The following CSNK2A2IP variants were observed in gnomAD, a reference collection of about 807,000 sequenced individuals.
The protein encoded by CSNK2A2IP is casein kinase II subunit alpha'-interacting protein.
chr3:88,466,748 A>C, the CSNK2A2IP span: 1 of 872,090 alleles, frequency 1.1e-6, no homozygotes, highest in Non-Finnish European at 1.5e-6. Context: ...CCAAATCCTC[A>C]TCCTGGTCCT....
chr3:88,412,237 G>T, the CSNK2A2IP span, among the ~76,000 whole-genome samples: 1 of 151,920 alleles, frequency 6.6e-6, no homozygotes, highest in Non-Finnish European at 1.5e-5. Context: ...GTTTCTATGT[G>T]TATATTTTAA....
chr3:88,356,043 G>T, the CSNK2A2IP span, among the ~76,000 whole-genome samples: 3 of 152,080 alleles, frequency 2.0e-5, no homozygotes, highest in Admixed American at 1.3e-4. Context: ...ATCAAATAAA[G>T]GTTATTGGGA....
At chr3:88,431,556 G>A in the CSNK2A2IP span, among the ~76,000 whole-genome samples, 5 of 151,916 alleles carry the variant, frequency 3.3e-5, no homozygotes, top group South Asian at 6.2e-4. Context: ...TCACCACTAA[G>A]GAACTTACTC....
the CSNK2A2IP span, among the ~76,000 whole-genome samples, chr3:88,461,217 G>A: frequency 6.6e-6 from 1 of 152,082 alleles, no homozygotes; most frequent in African/African-American, 2.4e-5. Flanking sequence ...TTGATTGACA[G>A]TTGATTACAG....
At chr3:88,426,944 C>T in the CSNK2A2IP span, among the ~76,000 whole-genome samples, 1 of 151,502 alleles carries the variant, frequency 6.6e-6, no homozygotes, top group Non-Finnish European at 1.5e-5. Context: ...GTGGAAGCAG[C>T]TTTGGAACTG....
At chr3:88,445,986 C>CT in the CSNK2A2IP span, among the ~76,000 whole-genome samples, 14 of 136,462 alleles carry the variant, frequency 1.0e-4, 1 homozygote, top group African/African-American at 3.6e-4. Flanking sequence ...CTCTTTCTTT[C>CT]TTTTTTCTTT....
At chr3:88,382,621 T>C in the CSNK2A2IP span, 1 of 152,176 alleles carries the variant, frequency 6.6e-6, no homozygotes, top group Admixed American at 6.5e-5. Context: ...CAAGAAAATA[T>C]TTCTGGACAA....
chr3:88,392,481 TAAG>T, the CSNK2A2IP span, among the ~76,000 whole-genome samples: 1 of 152,002 alleles, frequency 6.6e-6, no homozygotes, highest in Non-Finnish European at 1.5e-5. Context: ...CAAAGAAAAC[TAAG>T]AAGGAATGGC....
chr3:88,454,428 T>C, the CSNK2A2IP span, among the ~76,000 whole-genome samples: 1 of 151,800 alleles, frequency 6.6e-6, no homozygotes, highest in Non-Finnish European at 1.5e-5. Flanking sequence ...TTTGATAAAG[T>C]TCAATTTATT....
the CSNK2A2IP span, among the ~76,000 whole-genome samples, chr3:88,369,755 A>C: frequency 6.6e-6 from 1 of 151,794 alleles, no homozygotes; most frequent in Non-Finnish European, 1.5e-5. Flanking sequence ...GATTGAGTAC[A>C]TTCCCTGGCC....
chr3:88,370,123 T>G, the CSNK2A2IP span, among the ~76,000 whole-genome samples: 2 of 151,628 alleles, frequency 1.3e-5, no homozygotes, highest in African/African-American at 4.8e-5. Flanking sequence ...AGAAAGGAGA[T>G]TTCAGAGCCA....
At chr3:88,446,812 C>T in the CSNK2A2IP span, among the ~76,000 whole-genome samples, 5 of 152,136 alleles carry the variant, frequency 3.3e-5, no homozygotes, top group African/African-American at 1.2e-4. Flanking sequence ...AGAAGAGACT[C>T]AAGCTTTTTA....
the CSNK2A2IP span, among the ~76,000 whole-genome samples, chr3:88,376,654 AC>A: frequency 2.0e-5 from 3 of 151,772 alleles, no homozygotes; most frequent in Admixed American, 2.0e-4. Flanking sequence ...TAAAAAACAA[AC>A]AAGATCTTTC....
At chr3:88,466,635 TG>T in the CSNK2A2IP span, 1 of 1,229,552 alleles carries the variant, frequency 8.1e-7, no homozygotes, top group Non-Finnish European at 1.0e-6. Context: ...AAGGTGGAAC[TG>T]TCCCTGATGA....
chr3:88,365,443 G>C, the CSNK2A2IP span, among the ~76,000 whole-genome samples: 4 of 151,976 alleles, frequency 2.6e-5, no homozygotes, highest in Non-Finnish European at 5.9e-5. Context: ...GAGTTTCTTT[G>C]GGCCTTAAGG....
chr3:88,396,520 C>T, the CSNK2A2IP span, among the ~76,000 whole-genome samples: 1 of 152,138 alleles, frequency 6.6e-6, no homozygotes, highest in Non-Finnish European at 1.5e-5. Context: ...CAAGCATTGA[C>T]TAGGTTAGCG....
chr3:88,385,448 A>T, the CSNK2A2IP span, among the ~76,000 whole-genome samples: 1 of 152,236 alleles, frequency 6.6e-6, no homozygotes, highest in South Asian at 2.1e-4. Flanking sequence ...GATTGGAAGA[A>T]GTAGAAGAGT....
the CSNK2A2IP span, among the ~76,000 whole-genome samples, chr3:88,385,241 C>T: frequency 1.3e-5 from 2 of 151,796 alleles, no homozygotes; most frequent in South Asian, 2.1e-4. Flanking sequence ...AGCGGTGAGG[C>T]GGGAGGAAAA....
At chr3:88,401,695 C>T in the CSNK2A2IP span, among the ~76,000 whole-genome samples, 1 of 151,944 alleles carries the variant, frequency 6.6e-6, no homozygotes, top group Admixed American at 6.6e-5. Context: ...GACTCACTTG[C>T]AAAATCTCAG....
Sources: allele counts gnomAD v4.1 joint callset (sites outside exome capture counted in the v4.1 genomes callset), GRCh38; gene constraint gnomAD v4.1.1; transcripts MANE v1.5; gene names NCBI Gene and HGNC (gene_info 2026-07-23, HGNC 2026-07-21).